DNAH14: variants seen among roughly 807,000 people sequenced by gnomAD.
The protein encoded by DNAH14 is axonemal beta dynein heavy chain 14.
In DNAH14, 478 loss-of-function variants were observed where a neutral mutation model predicts 520.9. The observed-to-expected ratio is 0.92, with a 90% CI of 0.85 to 0.99. The LOEUF (loss-of-function observed/expected upper bound fraction) is 0.99, where lower values mean the gene tolerates loss of function less well. Ranked by LOEUF, DNAH14 falls within the 50% of genes least tolerant of loss-of-function variation. The pLI, the probability that DNAH14 is intolerant of heterozygous loss-of-function variation, is 0.00. For missense variants in DNAH14, 4,831 were observed against 5,234.5 expected (o/e 0.92, Z 2.38); for synonymous variants, 1,581 against 1,757.2 (o/e 0.90, Z 2.51).
intron 11 of DNAH14, among the ~76,000 whole-genome samples, chr1:225,037,702 G>T (rs1410138732): frequency 3.3e-5 from 5 of 152,236 alleles, no homozygotes; most frequent in Middle Eastern, 3.4e-3. Flanking sequence ...TGTTTTCTGA[G>T]ACGGAGTTTC....
At chr1:225,009,813 T>C (rs1013244072) in intron 10 of DNAH14, among the ~76,000 whole-genome samples, 5 of 152,094 alleles carry the variant, frequency 3.3e-5, no homozygotes, top group Admixed American at 6.6e-5. Context: ...CTTGAAGAGG[T>C]CCTTCACATC....
rs2068428954 is a variant in DNAH14, at chr1:225,050,454, T to C, written c.2079+78T>C. ...TGAATTCTTAAATGAAATGAATTTATTGAAAAATTAGGGTATCCTATTCAT... is the reference window on the plus strand; with the variant it reads ...TGAATTCTTAAATGAAATGAATTTACTGAAAAATTAGGGTATCCTATTCAT... On this transcript the variant is annotated intron_variant, in intron 16 of 85. Coordinates refer to ENST00000682510, the MANE Select transcript of DNAH14 (RefSeq NM_001367479.1). The C allele has an allele frequency of 2.8e-6, 4 of 1,414,140 alleles. No individual in the cohort carries two copies. The East Asian group carries it at 1.1e-4, about 37-fold the overall frequency. 87.6% of individuals were successfully genotyped at this position (1,414,140 alleles called of 1,614,324 possible). A position where few individuals can be genotyped will look rare whatever the true frequency, so the allele number is the denominator to read the frequency against.
chr1:225,242,703 A>G (rs1480575689), intron 43 of DNAH14, among the ~76,000 whole-genome samples: 1 of 152,256 alleles, frequency 6.6e-6, no homozygotes, highest in East Asian at 1.9e-4. Context: ...TTGTAAATAC[A>G]TAAACCAGTA....
chr1:224,930,943 T>A (rs1042562377), intron 1 of DNAH14, among the ~76,000 whole-genome samples: 3 of 152,158 alleles, frequency 2.0e-5, no homozygotes, highest in African/African-American at 7.2e-5. Flanking sequence ...CTCCTCTTTA[T>A]TAAAAAAATG....
chr1:225,147,028 A>C, intron 30 of DNAH14, 76 bp from the exon 31 acceptor site: 7 of 1,201,108 alleles, frequency 5.8e-6, no homozygotes, highest in Non-Finnish European at 8.0e-6. Context: ...GGGAGAACAC[A>C]TACAAATTAA....
At chr1:225,141,850 G>T (rs1463960079) in intron 28 of DNAH14, among the ~76,000 whole-genome samples, 1 of 152,074 alleles carries the variant, frequency 6.6e-6, no homozygotes, top group Non-Finnish European at 1.5e-5. Context: ...GAAAATTAGG[G>T]CCATTCTCAC....
At chr1:225,338,907 T>TA (rs1465153275) in intron 68 of DNAH14, among the ~76,000 whole-genome samples, 1 of 152,160 alleles carries the variant, frequency 6.6e-6, no homozygotes, top group Non-Finnish European at 1.5e-5. Flanking sequence ...ACTGACTCCT[T>TA]ACCAAGCGGT....
At chr1:225,380,461 C>A in intron 80 of DNAH14, 139 bp downstream of exon 80, 1 of 990,762 alleles carries the variant, frequency 1.0e-6, no homozygotes, top group Non-Finnish European at 1.4e-6. Flanking sequence ...TCAGTCTCTG[C>A]CTCCTCTCTC....
intron 83 of DNAH14, among the ~76,000 whole-genome samples, chr1:225,390,519 T>G (rs1483168258): frequency 6.6e-6 from 1 of 152,072 alleles, no homozygotes; most frequent in African/African-American, 2.4e-5. Context: ...TCAATAAATA[T>G]TTGAAGAATG....
chr1:225,237,492 G>A (rs1364372635), intron 42 of DNAH14, among the ~76,000 whole-genome samples: 1 of 152,192 alleles, frequency 6.6e-6, no homozygotes, highest in African/African-American at 2.4e-5. Context: ...TTAGTCTGAT[G>A]TGCTTCACTT....
chr1:225,073,495 C>A (rs370023872), intron 17 of DNAH14, among the ~76,000 whole-genome samples: 1 of 151,848 alleles, frequency 6.6e-6, no homozygotes, highest in Non-Finnish European at 1.5e-5. Flanking sequence ...TTTTGTAGAG[C>A]GGATGTATTG....
At chr1:225,009,005 T>C (rs2064448024) in intron 10 of DNAH14, among the ~76,000 whole-genome samples, 1 of 152,052 alleles carries the variant, frequency 6.6e-6, no homozygotes. Context: ...ATTCTGGATA[T>C]TAGCCCTTTG....
Position 225,390,713 on chromosome 1 carries a change from C to T in DNAH14, c.13330+840C>T, listed in dbSNP as rs78727335. 4.1e-3 allele frequency among the ~76,000 whole-genome samples: 627 copies of T among 152,186 alleles called. 1 individual carries two copies. The highest frequency in any genetic ancestry group is 0.014 in the African/African-American group (598 of 41,498). ...GGGAAGAAGAGAATAATTCGTGGAG[C>T]TTACATGGTACTTACTGGGTGCCAT... On this transcript the variant is annotated intron_variant, in intron 83 of 85. Transcript: ENST00000682510.
chr1:224,932,617 G>C (rs1011950315), intron 1 of DNAH14, among the ~76,000 whole-genome samples: 6 of 152,102 alleles, frequency 3.9e-5, no homozygotes, highest in African/African-American at 1.4e-4. Context: ...TATGGTGAGA[G>C]ATAGTGGTCC....
At chr1:225,206,371 G>A (rs1451853397) in intron 40 of DNAH14, among the ~76,000 whole-genome samples, 192 bp downstream of exon 40, 1 of 152,072 alleles carries the variant, frequency 6.6e-6, no homozygotes, top group African/African-American at 2.4e-5. Context: ...AATTATTACT[G>A]TTTTAATACT....
At chr1:225,209,660 T>A (rs1315012274) in intron 41 of DNAH14, among the ~76,000 whole-genome samples, 1 of 152,144 alleles carries the variant, frequency 6.6e-6, no homozygotes, top group African/African-American at 2.4e-5. Flanking sequence ...TCAATATGGT[T>A]CAAGAAGAAA....
Position 224,955,059 on chromosome 1 carries a change from A to G in DNAH14, c.178A>G (p.Arg60Gly). The G allele has an allele frequency of 6.2e-7, 1 of 1,611,706 alleles. No individual in the cohort carries two copies. Residue 60 changes from arginine (R) to glycine (G), a missense_variant, in exon 3 of 86, where the codon AGA (arginine) becomes GGA (glycine). Transcript: ENST00000682510. Reference sequence around the variant, plus strand: ...GGAAACATTGGAATATAAAACAGTTAGAACATTCTCTGAATCTTTGAAGTC... The same window carrying G: ...GGAAACATTGGAATATAAAACAGTTGGAACATTCTCTGAATCTTTGAAGTC... The part of the protein sequence containing the change: ...EKETLEYKTV[R>G]TFSESLKSEK...
rs573708180 is a variant in DNAH14, at chr1:225,228,274, G to T, written c.6440-2799G>T. ...GTCTAATGAATTCTCTTACAGCAGG[G>T]TATAGATCAAAAGATTCTTGCATGC... On this transcript the variant is annotated intron_variant, in intron 41 of 85. Coordinates refer to ENST00000682510, the MANE Select transcript of DNAH14 (RefSeq NM_001367479.1). Among the ~76,000 whole-genome samples, 12 of 152,282 alleles carry T rather than the reference G, an allele frequency of 7.9e-5. No individual in the cohort carries two copies. In the East Asian group the frequency reaches 2.1e-3, roughly 27 times the overall value.
intron 1 of DNAH14, among the ~76,000 whole-genome samples, chr1:224,948,004 C>A (rs907302034): frequency 4.6e-5 from 7 of 151,810 alleles, no homozygotes; most frequent in Admixed American, 4.6e-4. Flanking sequence ...GTATTCTGCA[C>A]TTCTTGAGTT....
Sources: allele counts gnomAD v4.1 joint callset (sites outside exome capture counted in the v4.1 genomes callset), GRCh38; gene constraint gnomAD v4.1.1; transcripts MANE v1.5; gene names NCBI Gene and HGNC (gene_info 2026-07-23, HGNC 2026-07-21).